The following UNC13C variants were observed in gnomAD, a reference collection of about 807,000 sequenced individuals.
UNC13C encodes protein unc-13 homolog C.
A neutral mutation model predicts 245.4 loss-of-function variants in UNC13C; 174 were observed. The observed-to-expected ratio is 0.71, with a 90% CI of 0.63 to 0.80. The LOEUF is 0.80. UNC13C is among the 30% of genes least tolerant of loss of function. The pLI is 0.00. For synonymous variants in UNC13C, 992 were observed against 895.1 expected, an observed-to-expected ratio of 1.11 and a Z score of -1.93; for missense variants, 2,829 against 2,602.9, an observed-to-expected ratio of 1.09 and a Z score of -1.89.
chr15:54,016,673 T>G (rs1895675866), intron 2 of UNC13C, among the ~76,000 whole-genome samples: 1 of 152,224 alleles, frequency 6.6e-6, no homozygotes, highest in East Asian at 1.9e-4. Context: ...GTGATAGTTA[T>G]ATGTAAATGT....
rs550059248 is a variant in UNC13C at position 54,108,848 on chromosome 15, A to G, written c.2984-34170A>G. On this transcript the variant is annotated intron_variant, in intron 2 of 32. Coordinates refer to ENST00000260323, the MANE Select transcript of UNC13C (RefSeq NM_001080534.3). ...CAAAAAGGAACCTGCTATGGGAGAT[A>G]TTACAGATTCAGGCAACTCTTCAGA... Among the ~76,000 whole-genome samples the G allele has an allele frequency of 6.6e-5, 10 of 152,310 alleles. No homozygotes were observed. In the East Asian group the frequency reaches 1.7e-3, roughly 26 times the overall value.
intron 1 of UNC13C, among the ~76,000 whole-genome samples, 158 bp downstream of exon 1, chr15:53,979,085 A>C (rs1191607530): frequency 6.6e-6 from 1 of 152,162 alleles, no homozygotes; most frequent in Non-Finnish European, 1.5e-5. Context: ...TCCTGTTTTT[A>C]TAATGTACAT....
intron 4 of UNC13C, among the ~76,000 whole-genome samples, chr15:54,212,885 A>G (rs938429940): frequency 3.3e-5 from 5 of 152,110 alleles, no homozygotes; most frequent in African/African-American, 9.6e-5. Context: ...CATACCCATT[A>G]GGAACAAACA....
rs1231753880 is a variant in UNC13C at position 54,435,763 on chromosome 15, A to AG, written c.4933+20696_4933+20697insG. Among the ~76,000 whole-genome samples, 3 of 151,166 alleles carry AG rather than the reference A, an allele frequency of 2.0e-5. No individual in the cohort carries two copies. The East Asian group carries it at 5.8e-4, about 29-fold the overall frequency. ...TAAAAAATAATAAATAAAAATAAAA[A>AG]AAGAAACTATCATCAGAGTGAACAG... On this transcript the variant is annotated intron_variant, in intron 19 of 32. Coordinates refer to ENST00000260323, the MANE Select transcript of UNC13C (RefSeq NM_001080534.3).
intron 10 of UNC13C, among the ~76,000 whole-genome samples, chr15:54,272,963 G>T (rs187280549): frequency 1.4e-4 from 22 of 152,256 alleles, no homozygotes; most frequent in Admixed American, 1.4e-3. Flanking sequence ...ATAGGCAGGG[G>T]TGCAAGGTGC....
intron 4 of UNC13C, among the ~76,000 whole-genome samples, chr15:54,181,671 T>C (rs1230683301): frequency 6.6e-6 from 1 of 151,910 alleles, no homozygotes; most frequent in Non-Finnish European, 1.5e-5. Context: ...ATTCTTCCAA[T>C]GTATAGAGCA....
the UNC13C span, among the ~76,000 whole-genome samples, chr15:53,957,649 G>C: frequency 3.9e-5 from 6 of 152,302 alleles, no homozygotes; most frequent in East Asian, 1.2e-3. Flanking sequence ...TTATAGCCCA[G>C]AAATTCTGAG....
chr15:54,499,880 G>A (rs1028736458), intron 20 of UNC13C, among the ~76,000 whole-genome samples, 199 bp from the exon 21 acceptor site: 9 of 152,234 alleles, frequency 5.9e-5, no homozygotes, highest in Non-Finnish European at 1.0e-4. Flanking sequence ...ACCAAGACGG[G>A]GGTAGAGGTT....
At chr15:54,311,566 C>T (rs755058001) in intron 13 of UNC13C, among the ~76,000 whole-genome samples, 2 of 151,584 alleles carry the variant, frequency 1.3e-5, no homozygotes, top group African/African-American at 4.8e-5. Flanking sequence ...TTCACATATT[C>T]ACCATTCTCA....
intron 30 of UNC13C, among the ~76,000 whole-genome samples, chr15:54,611,829 T>A (rs1172888254): frequency 1.3e-5 from 2 of 152,046 alleles, no homozygotes; most frequent in Non-Finnish European, 2.9e-5. Context: ...ACTCAAAAAA[T>A]TAAGCTTGTG....
chr15:54,362,631 T>C (rs1240574029), intron 17 of UNC13C, among the ~76,000 whole-genome samples: 1 of 152,168 alleles, frequency 6.6e-6, no homozygotes, highest in Non-Finnish European at 1.5e-5. Context: ...CTTTCAGATA[T>C]ATACATCCTT....
chr15:54,478,258 C>A lies in UNC13C; in HGVS notation c.4934-16350C>A, dbSNP rs2141056990. 2.8e-5 allele frequency among the ~76,000 whole-genome samples: 4 copies of A among 145,190 alleles called. 1 individual carries two copies. The East Asian group carries it at 8.6e-4, about 31-fold the overall frequency. ...AATTTTGTTGATCCTTTCAAAAAACCAGCTCCTGGATTCATTAATTTTTTG... is the reference window on the plus strand; with the variant it reads ...AATTTTGTTGATCCTTTCAAAAAACAAGCTCCTGGATTCATTAATTTTTTG... On this transcript the variant is annotated intron_variant, in intron 19 of 32. Coordinates refer to ENST00000260323, the MANE Select transcript of UNC13C (RefSeq NM_001080534.3).
intron 10 of UNC13C, among the ~76,000 whole-genome samples, chr15:54,289,386 AT>A (rs2037233013): frequency 6.6e-6 from 1 of 152,110 alleles, no homozygotes; most frequent in Admixed American, 6.6e-5. Flanking sequence ...AGTGAGCAAG[AT>A]TTGACCAGCT....
chr15:54,077,376 C>CTTTTTTTTTTTTTTTTTTTT lies in UNC13C; in HGVS notation c.2983+61491_2983+61510dup, dbSNP rs768240170. ...TTTTCCTTTTCTTTTCTTTTCTTTT[C>CTTTTTTTTTTTTTTTTTTTT]TTTTTTTTTTTTTTTTTTTTGAGAC... On this transcript the variant is annotated intron_variant, in intron 2 of 32. Coordinates refer to ENST00000260323, the MANE Select transcript of UNC13C (RefSeq NM_001080534.3). Among the ~76,000 whole-genome samples, 37 of 62,720 alleles carry CTTTTTTTTTTTTTTTTTTTT rather than the reference C, an allele frequency of 5.9e-4. 1 individual carries two copies. Among genetic ancestry groups the CTTTTTTTTTTTTTTTTTTTT allele is most frequent in the South Asian group, 1.5e-3 (2 of 1,352 alleles). 41.1% of individuals were successfully genotyped at this position (62,720 alleles called of 152,430 possible).
At chr15:54,538,390 G>T (rs1896091857) in intron 26 of UNC13C, among the ~76,000 whole-genome samples, 1 of 151,982 alleles carries the variant, frequency 6.6e-6, no homozygotes, top group South Asian at 2.1e-4. Context: ...CTTATACACT[G>T]CTGGTAGGAA....
chr15:54,207,536 G>T (rs994934868), intron 4 of UNC13C, among the ~76,000 whole-genome samples: 8 of 152,000 alleles, frequency 5.3e-5, no homozygotes, highest in African/African-American at 1.9e-4. Context: ...AAGCCTACTG[G>T]CATTTTACAA....
At chr15:54,455,203 C>CTA (rs1325165940) in intron 19 of UNC13C, among the ~76,000 whole-genome samples, 23 of 27,310 alleles carry the variant, frequency 8.4e-4, no homozygotes, top group Non-Finnish European at 8.2e-4. Context: ...CTCTCTCTCT[C>CTA]TCTATATATA....
At chr15:54,330,456 A>C (rs115742738) in intron 14 of UNC13C, among the ~76,000 whole-genome samples, 5 of 151,990 alleles carry the variant, frequency 3.3e-5, no homozygotes, top group Non-Finnish European at 2.9e-5. Context: ...TGGGCAGACA[A>C]CCACCACCAT....
At chr15:54,335,043 C>T (rs528970035) in intron 16 of UNC13C, among the ~76,000 whole-genome samples, 2 of 152,270 alleles carry the variant, frequency 1.3e-5, no homozygotes, top group African/African-American at 4.8e-5. Flanking sequence ...ACTCCCACCA[C>T]CTACCCCAGT....
Sources: gnomAD v4.1 joint callset for allele counts (sites outside exome capture counted in the v4.1 genomes callset) on GRCh38, gnomAD v4.1.1 for gene constraint, MANE v1.5 for transcripts, NCBI Gene and HGNC (gene_info 2026-07-23, HGNC 2026-07-21) for gene names.